Variants in DOCK1 observed in about 807,000 individuals in gnomAD.
DOCK1 encodes dedicator of cytokinesis 1.
Under a neutral mutation model 262.7 loss-of-function variants are expected in DOCK1, and 138 were observed. The ratio of observed to expected loss-of-function variants is 0.53; its 90% CI spans 0.46 to 0.61. DOCK1 has a LOEUF of 0.61. Ranked by LOEUF, DOCK1 falls within the 20% of genes least tolerant of loss-of-function variation. DOCK1 has a pLI of 0.00. For missense variants in DOCK1, 1,908 were observed against 2,370.7 expected, an observed-to-expected ratio of 0.80 and a Z score of 4.05; for synonymous variants, 866 against 867.4, an observed-to-expected ratio of 1.00 and a Z score of 0.03.
intron 29 of DOCK1, among the ~76,000 whole-genome samples, chr10:127,264,623 C>G (rs1241178467): frequency 6.6e-6 from 1 of 152,012 alleles, no homozygotes; most frequent in African/African-American, 2.4e-5. Context: ...TGAAAATGAT[C>G]CTTGCCATTT....
intron 50 of DOCK1, among the ~76,000 whole-genome samples, chr10:127,445,967 G>A (rs2070517513): frequency 6.6e-6 from 1 of 152,220 alleles, no homozygotes; most frequent in Non-Finnish European, 1.5e-5. Context: ...CAAGTTCATA[G>A]AGACAGAAAG....
intron 23 of DOCK1, among the ~76,000 whole-genome samples, chr10:127,080,428 T>A (rs1299132490): frequency 6.6e-6 from 1 of 152,142 alleles, no homozygotes; most frequent in Non-Finnish European, 1.5e-5. Flanking sequence ...GACCCCCTCC[T>A]GTACCCCAGG....
chr10:126,945,619 G>A (rs2134289861), intron 1 of DOCK1, among the ~76,000 whole-genome samples: 1 of 152,266 alleles, frequency 6.6e-6, no homozygotes, highest in South Asian at 2.1e-4. Flanking sequence ...TCATTTTTAT[G>A]GATTTTCTTT....
chr10:127,127,560 G>C, intron 26 of DOCK1, 109 bp from the exon 27 acceptor site: 1 of 791,560 alleles, frequency 1.3e-6, no homozygotes, highest in Non-Finnish European at 2.0e-6. Flanking sequence ...CTCATTAAGG[G>C]TTATAATTGA....
chr10:127,427,108 G>A (rs1260045271), intron 47 of DOCK1, among the ~76,000 whole-genome samples: 1 of 152,198 alleles, frequency 6.6e-6, no homozygotes, highest in Non-Finnish European at 1.5e-5. Flanking sequence ...ACTCCCCATT[G>A]TTCAGGGATG....
intron 25 of DOCK1, among the ~76,000 whole-genome samples, chr10:127,110,675 G>T (rs1016105308): frequency 6.6e-6 from 1 of 152,192 alleles, no homozygotes; most frequent in African/African-American, 2.4e-5. Flanking sequence ...TCGCTCCATT[G>T]TGATGATTGC....
At chr10:127,094,355 C>A (rs963126862) in intron 23 of DOCK1, among the ~76,000 whole-genome samples, 5 of 152,160 alleles carry the variant, frequency 3.3e-5, no homozygotes, top group Non-Finnish European at 7.3e-5. Context: ...CCATGCACTG[C>A]ATATGGGAGT....
intron 19 of DOCK1, among the ~76,000 whole-genome samples, chr10:127,040,450 C>T (rs1184260062): frequency 1.3e-5 from 2 of 152,148 alleles, no homozygotes; most frequent in African/African-American, 4.8e-5. Context: ...TGCTGGGCGT[C>T]CTCTCTCCCA....
At chr10:127,363,041 CCA>C (rs1300901734) in intron 33 of DOCK1, among the ~76,000 whole-genome samples, 19 of 19,072 alleles carry the variant, frequency 1.0e-3, no homozygotes, top group South Asian at 5.0e-3. Context: ...GCACCTCCCC[CCA>C]CACACACACA....
At position 127,394,052 on chromosome 10, in the gene DOCK1, C is replaced by T. The variant is rs182293061; in HGVS notation, c.3928-9003C>T. On this transcript the variant is annotated intron_variant, in intron 38 of 51. Transcript: ENST00000623213. The stretch of plus-strand genomic sequence containing the variant: ...TGTTTGGTTGAGGCCTAGTAATTTT[C>T]GATAAAGCCCTTAATCCAAGTACTT... Among the ~76,000 whole-genome samples the T allele has an allele frequency of 4.1e-3, 619 of 152,036 alleles. 13 individuals carry two copies. The highest frequency in any genetic ancestry group is 0.031 in the Middle Eastern group (9 of 294).
intron 27 of DOCK1, chr10:127,128,027 T>G (rs771795393): frequency 1.6e-5 from 4 of 248,880 alleles, no homozygotes; most frequent in Non-Finnish European, 3.1e-5. Context: ...GTCGTCATTC[T>G]TCTGGCAGTT....
At chr10:126,942,698 A>T (rs905890385) in intron 1 of DOCK1, among the ~76,000 whole-genome samples, 1 of 152,164 alleles carries the variant, frequency 6.6e-6, no homozygotes, top group Non-Finnish European at 1.5e-5. Flanking sequence ...TACTGTAAAT[A>T]CACTCAATGT....
At chr10:127,439,310 T>C in intron 49 of DOCK1, 85 bp downstream of exon 49, 1 of 1,357,796 alleles carries the variant, frequency 7.4e-7, no homozygotes, top group Non-Finnish European at 1.0e-6. Flanking sequence ...GGGCTGACGG[T>C]GGGCTCTTAT....
intron 1 of DOCK1, among the ~76,000 whole-genome samples, chr10:126,945,593 C>G (rs2035338043): frequency 6.6e-6 from 1 of 152,142 alleles, no homozygotes; most frequent in Non-Finnish European, 1.5e-5. Context: ...CTAGGTCCAG[C>G]CCATACTCAA....
chr10:127,261,312 C>T (rs145924103), intron 29 of DOCK1, among the ~76,000 whole-genome samples: 13 of 29,736 alleles, frequency 4.4e-4, no homozygotes, highest in Admixed American at 1.3e-3. Context: ...TGTGTGTGTG[C>T]CTGCATGTGT....
intron 1 of DOCK1, among the ~76,000 whole-genome samples, chr10:126,941,640 C>A (rs890535751): frequency 4.6e-5 from 7 of 152,162 alleles, no homozygotes; most frequent in South Asian, 4.2e-4. Context: ...CCTGTAGTCC[C>A]GCTACTCGGG....
At chr10:127,222,791 A>G (rs1407010939) in intron 27 of DOCK1, among the ~76,000 whole-genome samples, 6 of 94,818 alleles carry the variant, frequency 6.3e-5, no homozygotes, top group Non-Finnish European at 1.3e-4. Context: ...TTAGCCTCCC[A>G]AGTAGCTGGG....
intron 1 of DOCK1, among the ~76,000 whole-genome samples, chr10:126,913,813 A>G (rs1246820766): frequency 6.6e-6 from 1 of 152,220 alleles, no homozygotes; most frequent in Non-Finnish European, 1.5e-5. Flanking sequence ...TGTGCTGTCA[A>G]AACAGCTCAG....
At chr10:126,968,242 C>T (rs1591479494) in intron 1 of DOCK1, among the ~76,000 whole-genome samples, 1 of 152,240 alleles carries the variant, frequency 6.6e-6, no homozygotes, top group East Asian at 1.9e-4. Context: ...CTCTCCTACT[C>T]CCTTGTCAAA....
Sources: gnomAD v4.1 joint callset for allele counts (sites outside exome capture counted in the v4.1 genomes callset) on GRCh38, gnomAD v4.1.1 for gene constraint, MANE v1.5 for transcripts, NCBI Gene and HGNC (gene_info 2026-07-23, HGNC 2026-07-21) for gene names.